Variants in TMEM131L observed in about 807,000 individuals in gnomAD.
The protein encoded by TMEM131L is transmembrane 131 like.
A neutral mutation model predicts 192.2 loss-of-function variants in TMEM131L; 54 were observed. The ratio of observed to expected loss-of-function variants is 0.28; its 90% CI spans 0.23 to 0.35. TMEM131L has a LOEUF of 0.35. TMEM131L is among the 10% of genes least tolerant of loss of function. The pLI is 1.00. For synonymous variants in TMEM131L, 701 were observed against 704.9 expected, an observed-to-expected ratio of 0.99 and a Z score of 0.09; for missense variants, 1,888 against 1,972.9, an observed-to-expected ratio of 0.96 and a Z score of 0.82.
In TMEM131L at chr4:153,550,547, T is replaced by C. The variant is rs371810663; in HGVS notation, c.308+406T>C. On this transcript the variant is annotated intron_variant, in intron 4 of 34. Coordinates refer to ENST00000409959, the MANE Select transcript of TMEM131L (RefSeq NM_001131007.2). Reference sequence around the variant, plus strand: ...TTCACCGTGTTCGCCAGGATGGTCTTGATCTCCTGACTTCGTGATCCGCCC... The same window carrying C: ...TTCACCGTGTTCGCCAGGATGGTCTCGATCTCCTGACTTCGTGATCCGCCC... 4.3e-3 allele frequency among the ~76,000 whole-genome samples: 652 copies of C among 152,244 alleles called. 4 individuals are homozygous for C. The highest frequency in any genetic ancestry group is 0.01 in the Middle Eastern group (3 of 294).
At position 153,632,764 on chromosome 4, in the gene TMEM131L, G is replaced by A; in HGVS notation, c.4254G>A (p.Val1418=). 6.2e-7 allele frequency: 1 copy of A among 1,614,132 alleles called. No homozygotes were observed. The highest frequency in any genetic ancestry group is 8.5e-7 in the Non-Finnish European group (1 of 1,180,022). ...GDLWPTPPVC[V]TSSLNCTLEN... is the part of the protein sequence containing the mutation. ...TGTGGCCCACTCCGCCAGTGTGTGT[G>A]ACAAGCAGCTTAAACTGCACCCTGG... is the stretch of plus-strand genomic sequence containing the variant. The change falls in exon 32 of 35, where the codon GTG becomes GTA. Residue 1418 remains valine (V), a synonymous_variant. Coordinates refer to ENST00000409959, the MANE Select transcript of TMEM131L (RefSeq NM_001131007.2).
chr4:153,527,996 C>G (rs966945795), intron 3 of TMEM131L, among the ~76,000 whole-genome samples: 2 of 152,192 alleles, frequency 1.3e-5, no homozygotes, highest in African/African-American at 4.8e-5. Flanking sequence ...TGCAGCCATA[C>G]CATTAACTGA....
At chr4:153,625,988 A>G (rs1268422524) in intron 29 of TMEM131L, among the ~76,000 whole-genome samples, 159 bp from the exon 30 acceptor site, 1 of 152,252 alleles carries the variant, frequency 6.6e-6, no homozygotes, top group Non-Finnish European at 1.5e-5. Context: ...TAATTGCACG[A>G]TTCATGTTTA....
chr4:153,511,852 T>C (rs1734381820), intron 3 of TMEM131L, among the ~76,000 whole-genome samples: 1 of 152,252 alleles, frequency 6.6e-6, no homozygotes, highest in South Asian at 2.1e-4. Context: ...AAATGTTATT[T>C]ATATTGAATA....
chr4:153,479,687 A>G (rs914616252), intron 3 of TMEM131L, among the ~76,000 whole-genome samples: 1 of 152,164 alleles, frequency 6.6e-6, no homozygotes, highest in Non-Finnish European at 1.5e-5. Context: ...TCTGATTAGT[A>G]GTAACAGCAG....
In TMEM131L at chr4:153,585,317, C is replaced by T. The variant is rs9995734; in HGVS notation, c.1158-141C>T. ...ATGTGAGCCAGAAGGTTGAAGGAGGCGATTGCCGAGGTTGTCTCTGGCGCT... is the reference window on the plus strand; with the variant it reads ...ATGTGAGCCAGAAGGTTGAAGGAGGTGATTGCCGAGGTTGTCTCTGGCGCT... On this transcript the variant is annotated intron_variant, in intron 12 of 34. Coordinates refer to ENST00000409959, the MANE Select transcript of TMEM131L (RefSeq NM_001131007.2). 2.2e-3 allele frequency: 1,772 copies of T among 815,370 alleles called. 15 individuals are homozygous for T. In the African/African-American group the frequency reaches 0.026, roughly 12 times the overall value. 50.5% of individuals were successfully genotyped at this position (815,370 alleles called of 1,614,324 possible). A position where few individuals can be genotyped will look rare whatever the true frequency, so the allele number is the denominator to read the frequency against.
Position 153,477,655 on chromosome 4 carries a change from G to A in TMEM131L, c.239+3767G>A, listed in dbSNP as rs114238515. ...CTTGCAAGCATATACATGGATGTAT[G>A]AATATATACATGTGTATAATCTATG... On this transcript the variant is annotated intron_variant, in intron 3 of 34. Transcript: ENST00000409959. 1.2e-3 allele frequency among the ~76,000 whole-genome samples: 175 copies of A among 152,144 alleles called. 1 individual carries two copies. Among genetic ancestry groups the A allele is most frequent in the African/African-American group, 4.0e-3 (168 of 41,534 alleles).
rs548188804 is a variant in TMEM131L, at chr4:153,612,602, G to C, written c.3567+202G>C. On this transcript the variant is annotated intron_variant, in intron 26 of 34. Transcript: ENST00000409959. The stretch of plus-strand genomic sequence containing the variant: ...CAGTAATTTTTAGAGAAACCAGATA[G>C]CTTTTACTCTGAAGAGAATCTGTTC... 1.3e-4 allele frequency among the ~76,000 whole-genome samples: 20 copies of C among 152,238 alleles called. No homozygotes were observed. The East Asian group carries it at 2.3e-3, about 18-fold the overall frequency.
At chr4:153,589,697 T>C (rs1001309566) in intron 16 of TMEM131L, among the ~76,000 whole-genome samples, 4 of 152,254 alleles carry the variant, frequency 2.6e-5, no homozygotes, top group Non-Finnish European at 5.9e-5. Flanking sequence ...GTCCGTAGTT[T>C]CTAGTGATCG....
At chr4:153,585,368 A>T (rs1341717724) in intron 12 of TMEM131L, 90 bp from the exon 13 acceptor site, 1 of 1,248,696 alleles carries the variant, frequency 8.0e-7, no homozygotes, top group African/African-American at 1.5e-5. Flanking sequence ...ACGTTTTATG[A>T]TGCTCCTGTT....
intron 5 of TMEM131L, among the ~76,000 whole-genome samples, chr4:153,556,311 A>G (rs1451525476): frequency 2.0e-5 from 3 of 152,156 alleles, no homozygotes; most frequent in Non-Finnish European, 2.9e-5. Flanking sequence ...CCTACTAGGA[A>G]AGTTAGGTCT....
intron 3 of TMEM131L, among the ~76,000 whole-genome samples, chr4:153,510,465 C>T (rs1734277392): frequency 6.6e-6 from 1 of 152,198 alleles, no homozygotes; most frequent in African/African-American, 2.4e-5. Flanking sequence ...ACATACCTTT[C>T]ACCTACCCCT....
intron 3 of TMEM131L, among the ~76,000 whole-genome samples, chr4:153,522,657 C>A (rs62324711): frequency 6.6e-6 from 1 of 152,156 alleles, no homozygotes; most frequent in Non-Finnish European, 1.5e-5. Context: ...TATTTTTTAT[C>A]CCCAGCACCT....
rs200787518 is a variant in TMEM131L at position 153,591,204 on chromosome 4, G to A, written c.1812+10G>A. 235 of 1,575,292 alleles carry A rather than the reference G, an allele frequency of 1.5e-4. No individual in the cohort carries two copies. The highest frequency in any genetic ancestry group is 8.5e-4 in the Middle Eastern group (5 of 5,878). ...CCTTAGGAGCAGGATGGTGAGGACA[G>A]TGTGTCTTTTCATTTCTTTGTCAGT... On this transcript the variant is annotated intron_variant, in intron 17 of 34. Coordinates refer to ENST00000409959, the MANE Select transcript of TMEM131L (RefSeq NM_001131007.2).
At chr4:153,564,078 C>G (rs1729028146) in intron 7 of TMEM131L, among the ~76,000 whole-genome samples, 1 of 151,852 alleles carries the variant, frequency 6.6e-6, no homozygotes, top group Non-Finnish European at 1.5e-5. Context: ...TACCTGAGGT[C>G]AGGAGTTCAA....
chr4:153,537,542 A>G (rs1043306492), intron 3 of TMEM131L, among the ~76,000 whole-genome samples: 8 of 152,330 alleles, frequency 5.3e-5, no homozygotes, highest in Admixed American at 2.0e-4. Flanking sequence ...GTATAGGGTA[A>G]CATACTGATG....
rs1342244711 is a variant in TMEM131L at position 153,517,873 on chromosome 4, T to C, written c.240-32200T>C. ...GCACCCAAATAGCCTCTCTCCTAACTCTTTGGTTCACCTTGTTTAAAGCCT... is the reference window on the plus strand; with the variant it reads ...GCACCCAAATAGCCTCTCTCCTAACCCTTTGGTTCACCTTGTTTAAAGCCT... On this transcript the variant is annotated intron_variant, in intron 3 of 34. Coordinates refer to ENST00000409959, the MANE Select transcript of TMEM131L (RefSeq NM_001131007.2). Among the ~76,000 whole-genome samples, 3 of 152,226 alleles carry C rather than the reference T, an allele frequency of 2.0e-5. No individual in the cohort carries two copies. In the South Asian group the frequency reaches 6.2e-4, roughly 32 times the overall value.
chr4:153,506,243 G>T (rs992033638), intron 3 of TMEM131L, among the ~76,000 whole-genome samples: 5 of 152,144 alleles, frequency 3.3e-5, no homozygotes, highest in Admixed American at 2.0e-4. Context: ...AAGATAAAGA[G>T]AAAAAATTTC....
In TMEM131L at chr4:153,521,173, G is replaced by T. The variant is rs143640230; in HGVS notation, c.240-28900G>T. ...ATGGGGATGATACTGACTCTTCTAG[G>T]CTTGTGAGGATGGAGGTAATGTGAA... On this transcript the variant is annotated intron_variant, in intron 3 of 34. Coordinates refer to ENST00000409959, the MANE Select transcript of TMEM131L (RefSeq NM_001131007.2). Among the ~76,000 whole-genome samples the T allele has an allele frequency of 5.9e-5, 9 of 152,264 alleles. No individual in the cohort carries two copies. The East Asian group carries it at 1.7e-3, about 29-fold the overall frequency.
Sources: allele counts gnomAD v4.1 joint callset (sites outside exome capture counted in the v4.1 genomes callset), GRCh38; gene constraint gnomAD v4.1.1; transcripts MANE v1.5; gene names NCBI Gene and HGNC (gene_info 2026-07-23, HGNC 2026-07-21).